WDR27: variants seen among roughly 807,000 people sequenced by gnomAD.
WDR27 encodes the protein WD repeat-containing protein 27.
WDR27 carries 100 observed loss-of-function variants against 114.4 expected under a neutral mutation model. The ratio of observed to expected loss-of-function variants is 0.87; its 90% confidence interval spans 0.74 to 1.03. The LOEUF is 1.03. WDR27 is among the 50% of genes least tolerant of loss of function. The pLI is 0.00. For synonymous variants in WDR27, 449 were observed against 423.1 expected, an observed-to-expected ratio of 1.06 and a Z score of -0.75; for missense variants, 1,129 against 1,092.9, an observed-to-expected ratio of 1.03 and a Z score of -0.47.
intron 22 of WDR27, among the ~76,000 whole-genome samples, chr6:169,612,320 T>TGAGGCAGGAGAATGGCGTG (rs1810739240): frequency 6.6e-6 from 1 of 152,196 alleles, no homozygotes; most frequent in South Asian, 2.1e-4. Context: ...TCGGAGAGGC[T>TGAGGCAGGAGAATGGCGTG]GAGGCAGGAG....
chr6:169,527,304 C>T (rs895580756), intron 25 of WDR27, among the ~76,000 whole-genome samples: 2 of 152,016 alleles, frequency 1.3e-5, no homozygotes, highest in Non-Finnish European at 2.9e-5. Context: ...TTTTTTCAGC[C>T]ACAAAAATTA....
chr6:169,488,438 G>A lies in WDR27; in HGVS notation c.2646-30804C>T, dbSNP rs751363846. Among the ~76,000 whole-genome samples the A allele has an allele frequency of 5.3e-5, 8 of 152,188 alleles. No individual in the cohort carries two copies. In the East Asian group the frequency reaches 1.5e-3, roughly 29 times the overall value. On this transcript the variant is annotated intron_variant, in intron 25 of 25. Coordinates refer to ENST00000448612, the MANE Select transcript of WDR27 (RefSeq NM_182552.5). The stretch of plus-strand genomic sequence containing the variant: ...AATGTTGCCTCAAGTAGAATTTTAA[G>A]ATCATGTCTTATCCAAGTTCTTCTA...
chr6:169,446,678 T>G, the WDR27 span, among the ~76,000 whole-genome samples: 3 of 152,234 alleles, frequency 2.0e-5, no homozygotes, highest in East Asian at 5.8e-4. Flanking sequence ...CTACTCAAAC[T>G]TTAAATGAAA....
intron 25 of WDR27, among the ~76,000 whole-genome samples, chr6:169,481,834 C>A (rs537296756): frequency 6.6e-6 from 1 of 152,198 alleles, no homozygotes; most frequent in Non-Finnish European, 1.5e-5. Context: ...CACGAACCCA[C>A]CAGAAGGAAG....
chr6:169,479,302 A>G (rs1787619317), intron 25 of WDR27, among the ~76,000 whole-genome samples: 1 of 152,194 alleles, frequency 6.6e-6, no homozygotes, highest in African/African-American at 2.4e-5. Flanking sequence ...ATTATCAGAA[A>G]TCATCAGGGA....
intron 4 of WDR27, chr6:169,668,790 AT>A: frequency 6.6e-6 from 1 of 152,540 alleles, no homozygotes; most frequent in Non-Finnish European, 1.5e-5. Context: ...AATAAGACAA[AT>A]ATCCCTTAAT....
chr6:169,639,000 TGC>T (rs1354220836), intron 17 of WDR27, among the ~76,000 whole-genome samples: 4 of 151,586 alleles, frequency 2.6e-5, no homozygotes, highest in Non-Finnish European at 5.9e-5. Flanking sequence ...TGCTGGGTAC[TGC>T]GTGGTGCTGG....
chr6:169,630,095 A>C (rs1815960180), intron 21 of WDR27, among the ~76,000 whole-genome samples: 1 of 152,206 alleles, frequency 6.6e-6, no homozygotes, highest in South Asian at 2.1e-4. Context: ...AGACTTTTAG[A>C]AAAACTGACC....
At chr6:169,487,324 G>GTAGA (rs757449462) in intron 25 of WDR27, among the ~76,000 whole-genome samples, 36 of 152,328 alleles carry the variant, frequency 2.4e-4, no homozygotes, top group Non-Finnish European at 5.1e-4. Flanking sequence ...TGATCTGAAT[G>GTAGA]TAGAACAATG....
chr6:169,467,244 C>G (rs1785711451), intron 25 of WDR27, among the ~76,000 whole-genome samples: 3 of 152,196 alleles, frequency 2.0e-5, no homozygotes, highest in African/African-American at 7.2e-5. Context: ...TTTCCAGAAG[C>G]ATGGTGCAAG....
chr6:169,553,252 C>T (rs1481922652), intron 25 of WDR27, among the ~76,000 whole-genome samples: 5 of 152,022 alleles, frequency 3.3e-5, no homozygotes, highest in Admixed American at 2.0e-4. Flanking sequence ...TCTAGGGAGC[C>T]GCCGACCTCT....
intron 1 of WDR27, among the ~76,000 whole-genome samples, chr6:169,693,592 A>G (rs902480392): frequency 7.2e-5 from 11 of 152,240 alleles, no homozygotes; most frequent in Non-Finnish European, 1.3e-4. Flanking sequence ...CAAGAGACTC[A>G]TGTAACACAT....
Position 169,482,836 on chromosome 6 carries a change from T to C in WDR27, c.2646-25202A>G, listed in dbSNP as rs1051689940. On this transcript the variant is annotated intron_variant, in intron 25 of 25. Coordinates refer to ENST00000448612, the MANE Select transcript of WDR27 (RefSeq NM_182552.5). ...AATATTGAAATCATACCAACTACTC[T>C]CTCTGACCATGGCTCAATAAAAATA... 2.6e-5 allele frequency among the ~76,000 whole-genome samples: 4 copies of C among 152,226 alleles called. No individual in the cohort carries two copies. In the South Asian group the frequency reaches 8.3e-4, roughly 32 times the overall value.
At chr6:169,636,593 C>T in intron 18 of WDR27, 89 bp from the exon 19 acceptor site, 1 of 1,330,448 alleles carries the variant, frequency 7.5e-7, no homozygotes. Flanking sequence ...CTTCTTAAAA[C>T]CCAACATCTA....
intron 22 of WDR27, among the ~76,000 whole-genome samples, chr6:169,607,655 G>T (rs1157307969): frequency 6.6e-6 from 1 of 151,968 alleles, no homozygotes; most frequent in Admixed American, 6.6e-5. Context: ...GATGCAGGAA[G>T]AAAAATTATT....
the WDR27 span, among the ~76,000 whole-genome samples, chr6:169,434,688 T>G: frequency 3.3e-5 from 5 of 152,298 alleles, no homozygotes; most frequent in East Asian, 5.8e-4. Flanking sequence ...TGGAAGAAAT[T>G]TCTAAGCAGC....
At chr6:169,640,822 T>TGACCCACA (rs139588331) in intron 17 of WDR27, among the ~76,000 whole-genome samples, 59,337 of 151,640 alleles carry the variant, frequency 0.39, 12,734 homozygotes, top group East Asian at 0.74. Context: ...CTCCACTGCC[T>TGACCCACA]GGCTGCAAGA....
intron 21 of WDR27, among the ~76,000 whole-genome samples, chr6:169,628,688 C>T (rs1024278337): frequency 6.6e-6 from 1 of 152,196 alleles, no homozygotes; most frequent in African/African-American, 2.4e-5. Flanking sequence ...AGCGATTCCA[C>T]ATCATTTTAT....
intron 25 of WDR27, among the ~76,000 whole-genome samples, chr6:169,509,367 T>G (rs1174203528): frequency 1.3e-5 from 2 of 152,180 alleles, no homozygotes; most frequent in African/African-American, 2.4e-5. Context: ...TCACGCTACC[T>G]GACTTCAAAC....
Sources: allele counts gnomAD v4.1 joint callset (sites outside exome capture counted in the v4.1 genomes callset), GRCh38; gene constraint gnomAD v4.1.1; transcripts MANE v1.5; gene names NCBI Gene and HGNC (gene_info 2026-07-23, HGNC 2026-07-21).